The following CNTN5 variants were observed in gnomAD, a reference collection of about 807,000 sequenced individuals.
CNTN5 encodes contactin-5.
CNTN5 carries 77 observed loss-of-function variants against 129.1 expected under a neutral mutation model. The ratio of observed to expected loss-of-function variants is 0.60; its 90% CI spans 0.50 to 0.72. The LOEUF (loss-of-function observed/expected upper bound fraction) is 0.72. Among genes scored for constraint, CNTN5 ranks in the 30% least tolerant of loss-of-function variants. The probability of loss-of-function intolerance (pLI) is 0.00; values close to 1 mark genes in which losing one functional copy is unlikely to be tolerated. For synonymous variants in CNTN5, 509 were observed against 465.6 expected (o/e 1.09, Z -1.20); for missense variants, 1,478 against 1,328.8 (o/e 1.11, Z -1.75).
Position 99,632,895 on chromosome 11 carries a change from G to T in CNTN5, c.55+76626G>T, listed in dbSNP as rs555747071. Among the ~76,000 whole-genome samples, 86 of 151,748 alleles carry T rather than the reference G, an allele frequency of 5.7e-4. 2 individuals are homozygous for T. The South Asian group carries it at 0.018, about 31-fold the overall frequency. On this transcript the variant is annotated intron_variant, in intron 3 of 24. Transcript: ENST00000524871. ...CTTAATTACTTAAGGTATCTTCTTGGGGGGGTTACAAAAATAGTCATCTTT... is the reference window on the plus strand; with the variant it reads ...CTTAATTACTTAAGGTATCTTCTTGTGGGGGTTACAAAAATAGTCATCTTT...
At chr11:99,652,758 A>C (rs562029812) in intron 3 of CNTN5, among the ~76,000 whole-genome samples, 1 of 152,082 alleles carries the variant, frequency 6.6e-6, no homozygotes, top group Admixed American at 6.6e-5. Context: ...ACTATTATAT[A>C]ATCATTATTT....
At chr11:99,350,408 A>G (rs1044568015) in intron 2 of CNTN5, among the ~76,000 whole-genome samples, 7 of 152,186 alleles carry the variant, frequency 4.6e-5, no homozygotes, top group African/African-American at 1.4e-4. Flanking sequence ...GCGTTTACTT[A>G]TAAATGTAAA....
At chr11:99,126,354 C>T (rs2135420974) in intron 1 of CNTN5, among the ~76,000 whole-genome samples, 1 of 152,240 alleles carries the variant, frequency 6.6e-6, no homozygotes. Context: ...GTTGAAGGAG[C>T]TCTATTGAAA....
At chr11:99,975,843 A>G (rs931842625) in intron 8 of CNTN5, among the ~76,000 whole-genome samples, 1 of 152,138 alleles carries the variant, frequency 6.6e-6, no homozygotes, top group Non-Finnish European at 1.5e-5. Flanking sequence ...GTCCTTCCAC[A>G]TTTCAAAACC....
intron 1 of CNTN5, among the ~76,000 whole-genome samples, chr11:99,117,084 C>T (rs1774007776): frequency 1.3e-5 from 2 of 151,900 alleles, no homozygotes; most frequent in Non-Finnish European, 2.9e-5. Flanking sequence ...AATGGTATTC[C>T]AGAAGTATGG....
chr11:99,978,024 A>T (rs1938101286), intron 8 of CNTN5, among the ~76,000 whole-genome samples: 3 of 152,220 alleles, frequency 2.0e-5, no homozygotes, highest in African/African-American at 7.2e-5. Flanking sequence ...CACATATATG[A>T]CAGTGGTCTC....
intron 3 of CNTN5, among the ~76,000 whole-genome samples, chr11:99,771,990 T>C (rs1012698372): frequency 1.3e-5 from 2 of 151,428 alleles, no homozygotes. Flanking sequence ...ATGTCTCTAA[T>C]AAAAAATATG....
chr11:99,402,302 C>T (rs1195090723), intron 2 of CNTN5, among the ~76,000 whole-genome samples: 2 of 152,072 alleles, frequency 1.3e-5, no homozygotes, highest in Non-Finnish European at 2.9e-5. Flanking sequence ...TTATCAAATG[C>T]TTTTTATAGT....
chr11:99,266,083 G>A (rs1862869979), intron 1 of CNTN5, among the ~76,000 whole-genome samples: 1 of 152,010 alleles, frequency 6.6e-6, no homozygotes, highest in Non-Finnish European at 1.5e-5. Context: ...ATAAAAATAA[G>A]TTCAGAAAGG....
intron 2 of CNTN5, among the ~76,000 whole-genome samples, chr11:99,361,104 C>T (rs1478836869): frequency 6.6e-6 from 1 of 152,060 alleles, no homozygotes; most frequent in Non-Finnish European, 1.5e-5. Context: ...TAATATGTTC[C>T]TTATTTTTAT....
intron 3 of CNTN5, among the ~76,000 whole-genome samples, chr11:99,701,577 A>G (rs1055849283): frequency 3.3e-5 from 5 of 151,142 alleles, no homozygotes; most frequent in Non-Finnish European, 5.9e-5. Flanking sequence ...AATTCAGATG[A>G]TCAAATTGTA....
intron 13 of CNTN5, among the ~76,000 whole-genome samples, chr11:100,124,624 T>A (rs746595375): frequency 1.3e-5 from 2 of 152,128 alleles, no homozygotes; most frequent in Non-Finnish European, 2.9e-5. Context: ...TATAAAGTAT[T>A]GTGATTTAGT....
intron 7 of CNTN5, among the ~76,000 whole-genome samples, chr11:99,923,790 T>TCTATCTATCTAC (rs1949995946): frequency 1.3e-5 from 2 of 151,836 alleles, no homozygotes; most frequent in African/African-American, 4.8e-5. Context: ...TATCTATCTA[T>TCTATCTATCTAC]CTATCTATCT....
chr11:99,296,086 T>C (rs1048181004), intron 1 of CNTN5, among the ~76,000 whole-genome samples: 4 of 152,116 alleles, frequency 2.6e-5, no homozygotes, highest in African/African-American at 7.2e-5. Context: ...ATTTCTATTG[T>C]TCATAGTGGC....
intron 2 of CNTN5, among the ~76,000 whole-genome samples, chr11:99,376,126 G>A (rs957028509): frequency 3.3e-5 from 5 of 152,130 alleles, no homozygotes; most frequent in Admixed American, 1.3e-4. Context: ...AAATATTATT[G>A]TACGATTATA....
At chr11:99,518,459 T>C (rs532863212) in intron 2 of CNTN5, among the ~76,000 whole-genome samples, 142 of 152,132 alleles carry the variant, frequency 9.3e-4, no homozygotes, top group Non-Finnish European at 1.8e-3. Context: ...AATCATGAAG[T>C]GGGTCTTCAA....
intron 9 of CNTN5, among the ~76,000 whole-genome samples, chr11:100,059,351 C>T (rs913560193): frequency 9.2e-5 from 14 of 151,904 alleles, no homozygotes; most frequent in African/African-American, 3.1e-4. Flanking sequence ...CACAAAAAAT[C>T]GGAAGTCAGG....
At chr11:99,740,263 T>C (rs1177247122) in intron 3 of CNTN5, among the ~76,000 whole-genome samples, 1 of 151,978 alleles carries the variant, frequency 6.6e-6, no homozygotes, top group Non-Finnish European at 1.5e-5. Context: ...AAGCAATGAG[T>C]ACTGAAAAGG....
intron 1 of CNTN5, among the ~76,000 whole-genome samples, chr11:99,067,901 C>T (rs887688781): frequency 6.6e-6 from 1 of 152,052 alleles, no homozygotes; most frequent in Non-Finnish European, 1.5e-5. Flanking sequence ...AAGAGAGAGA[C>T]CAGGTGGAGG....
Sources: allele counts gnomAD v4.1 joint callset (sites outside exome capture counted in the v4.1 genomes callset), GRCh38; gene constraint gnomAD v4.1.1; transcripts MANE v1.5; gene names NCBI Gene and HGNC (gene_info 2026-07-23, HGNC 2026-07-21).